DPY19L1: variants seen among roughly 807,000 people sequenced by gnomAD.
DPY19L1 encodes dpy-19 like C-mannosyltransferase 1.
DPY19L1 carries 35 observed loss-of-function variants against 96.9 expected under a neutral mutation model. The observed-to-expected ratio is 0.36, with a 90% CI of 0.28 to 0.48. The LOEUF is 0.48. DPY19L1 is among the 20% of genes least tolerant of loss of function. DPY19L1 has a pLI of 0.99. For synonymous variants in DPY19L1, 205 were observed against 252.6 expected (o/e 0.81, Z 1.79); for missense variants, 521 against 777.9 (o/e 0.67, Z 3.93).
intron 3 of DPY19L1, among the ~76,000 whole-genome samples, chr7:35,014,258 T>A (rs1283321307): frequency 1.3e-5 from 2 of 152,168 alleles, no homozygotes; most frequent in Non-Finnish European, 2.9e-5. Flanking sequence ...TTATTTTCCC[T>A]CCTATCAAGT....
chr7:34,965,005 A>C (rs1784580565), intron 10 of DPY19L1, among the ~76,000 whole-genome samples: 1 of 152,200 alleles, frequency 6.6e-6, no homozygotes, highest in East Asian at 1.9e-4. Context: ...TGATAAAATA[A>C]AAAAGGATGT....
rs768276181 is a variant in DPY19L1, at chr7:34,945,672, A to G, written c.1539T>C (p.His513=). 1.0e-5 allele frequency: 16 copies of G among 1,595,896 alleles called. No individual in the cohort carries two copies. Among genetic ancestry groups the G allele is most frequent in the African/African-American group, 2.7e-5 (2 of 74,314 alleles). The change falls in exon 16 of 22, where the codon CAT becomes CAC. Residue 513 remains histidine, a synonymous_variant. Transcript: ENST00000638088. ...MWGVLAKQQT[H]VRKHQFDHGE... ...ATTCTTAATAGCATATTTACCTTACATGTGTCTGTTGTTTAGCTAAGACAC... is the reference window on the plus strand; with the variant it reads ...ATTCTTAATAGCATATTTACCTTACGTGTGTCTGTTGTTTAGCTAAGACAC...
At chr7:35,003,022 G>C (rs532748812) in intron 6 of DPY19L1, among the ~76,000 whole-genome samples, 1 of 152,056 alleles carries the variant, frequency 6.6e-6, no homozygotes, top group Non-Finnish European at 1.5e-5. Flanking sequence ...CACCCACCTC[G>C]GCCTCCCAAA....
chr7:34,968,149 C>T (rs1784649471), intron 9 of DPY19L1, among the ~76,000 whole-genome samples: 1 of 151,794 alleles, frequency 6.6e-6, no homozygotes, highest in Non-Finnish European at 1.5e-5. Context: ...AAAATGTCAT[C>T]GAACTAAGTT....
chr7:34,980,496 C>T (rs576103938), intron 7 of DPY19L1, among the ~76,000 whole-genome samples: 13 of 151,484 alleles, frequency 8.6e-5, no homozygotes, highest in South Asian at 4.2e-4. Flanking sequence ...AATCAAAAAA[C>T]GAAAAAAGAG....
At chr7:34,965,153 ACT>A (rs1784583335) in intron 10 of DPY19L1, among the ~76,000 whole-genome samples, 2 of 152,218 alleles carry the variant, frequency 1.3e-5, no homozygotes, top group South Asian at 4.1e-4. Flanking sequence ...CCCTAGAGAA[ACT>A]CTCAACATAT....
At chr7:34,965,802 C>T (rs1217733187) in intron 10 of DPY19L1, among the ~76,000 whole-genome samples, 1 of 152,102 alleles carries the variant, frequency 6.6e-6, no homozygotes, top group African/African-American at 2.4e-5. Context: ...CATTCAAGAA[C>T]ATCAACCAAC....
chr7:34,935,748 A>C (rs1783855727), intron 21 of DPY19L1, among the ~76,000 whole-genome samples: 2 of 152,356 alleles, frequency 1.3e-5, no homozygotes, highest in Admixed American at 6.5e-5. Context: ...GGAAATAAGG[A>C]AGGTCCCAAA....
At chr7:34,943,471 C>T (rs1390014311) in intron 16 of DPY19L1, among the ~76,000 whole-genome samples, 1 of 152,158 alleles carries the variant, frequency 6.6e-6, no homozygotes, top group Non-Finnish European at 1.5e-5. Context: ...GACTTCAGAG[C>T]CAATATACTT....
intron 9 of DPY19L1, among the ~76,000 whole-genome samples, chr7:34,968,883 C>CT (rs1330831039): frequency 6.6e-6 from 1 of 151,638 alleles, no homozygotes; most frequent in Non-Finnish European, 1.5e-5. Context: ...AATTTACTCC[C>CT]TCTCTCAACA....
intron 6 of DPY19L1, among the ~76,000 whole-genome samples, chr7:34,991,906 G>C (rs1234147660): frequency 2.6e-5 from 4 of 152,142 alleles, no homozygotes; most frequent in Non-Finnish European, 5.9e-5. Flanking sequence ...ATACTGTATA[G>C]TACAAATATA....
intron 3 of DPY19L1, among the ~76,000 whole-genome samples, chr7:35,015,462 T>C (rs1785823428): frequency 1.3e-5 from 2 of 152,210 alleles, no homozygotes; most frequent in South Asian, 2.1e-4. Flanking sequence ...AAGTGATTTC[T>C]GGTCATCCTT....
At chr7:34,970,577 T>G (rs752018436) in intron 8 of DPY19L1, among the ~76,000 whole-genome samples, 1 of 152,178 alleles carries the variant, frequency 6.6e-6, no homozygotes, top group Admixed American at 6.6e-5. Context: ...ATTTCTTGTT[T>G]CTCATAGATC....
intron 11 of DPY19L1, among the ~76,000 whole-genome samples, chr7:34,956,165 A>G (rs1784374439): frequency 6.6e-6 from 1 of 152,206 alleles, no homozygotes; most frequent in Non-Finnish European, 1.5e-5. Context: ...TTCCTACAAA[A>G]TGTACTTAAA....
At chr7:34,959,228 T>C (rs1784440675) in intron 10 of DPY19L1, among the ~76,000 whole-genome samples, 1 of 152,082 alleles carries the variant, frequency 6.6e-6, no homozygotes, top group Non-Finnish European at 1.5e-5. Flanking sequence ...ATGCTGTAGA[T>C]GATGTGGAGA....
intron 11 of DPY19L1, among the ~76,000 whole-genome samples, chr7:34,957,586 G>T (rs1784405728): frequency 6.6e-6 from 1 of 151,126 alleles, no homozygotes; most frequent in Admixed American, 6.6e-5. Context: ...TAGACAAGGG[G>T]CAAAAAACAA....
upstream of DPY19L1, chr7:35,037,611 T>G (rs908456072): frequency 1.7e-5 from 4 of 240,714 alleles, no homozygotes; most frequent in Admixed American, 5.7e-5. Context: ...GGCGCCGGAC[T>G]TGCTAGCCCG....
intron 1 of DPY19L1, among the ~76,000 whole-genome samples, chr7:35,033,469 T>C (rs1786310233): frequency 6.6e-6 from 1 of 152,224 alleles, no homozygotes; most frequent in Admixed American, 6.5e-5. Context: ...CTCAATGATA[T>C]GGTATGACTG....
At chr7:35,010,435 A>G (rs770302411) in intron 6 of DPY19L1, 33 bp downstream of exon 6, 11 of 1,220,880 alleles carry the variant, frequency 9.0e-6, no homozygotes, top group South Asian at 1.4e-5. Context: ...TTATTTTAGT[A>G]TATCTTATAA....
Sources: allele counts gnomAD v4.1 joint callset (sites outside exome capture counted in the v4.1 genomes callset), GRCh38; gene constraint gnomAD v4.1.1; transcripts MANE v1.5; gene names NCBI Gene and HGNC (gene_info 2026-07-23, HGNC 2026-07-21).